HNRNPD: variants seen among roughly 807,000 people sequenced by gnomAD.
HNRNPD encodes heterogeneous nuclear ribonucleoprotein D.
Under a neutral mutation model 47.9 loss-of-function variants are expected in HNRNPD, and 3 were observed. The observed-to-expected ratio is 0.06, with a 90% CI of 0.03 to 0.16. HNRNPD has a LOEUF of 0.16. HNRNPD is among the 10% of genes least tolerant of loss of function. The pLI is 1.00. For missense variants in HNRNPD, 287 were observed against 454.2 expected (o/e 0.63, Z 3.35); for synonymous variants, 171 against 165.1 (o/e 1.04, Z -0.28).
intron 1 of HNRNPD, chr4:82,373,208 C>T: frequency 1.4e-6 from 1 of 704,880 alleles, no homozygotes; most frequent in Non-Finnish European, 2.5e-6. Context: ...CGAGGAGCAG[C>T]ATGGTGACGG....
rs1355427082 is a variant in HNRNPD, at chr4:82,373,030, AAC to A, written c.233+414_233+415del. 22 of 422,772 alleles carry A rather than the reference AAC, an allele frequency of 5.2e-5. No individual in the cohort carries two copies. In the Admixed American group the frequency reaches 6.1e-4, roughly 12 times the overall value. The allele number at this position is 422,772 out of a possible 1,614,324, so 26.2% of individuals were successfully genotyped here. A position where few individuals can be genotyped will look rare whatever the true frequency, so the allele number is the denominator to read the frequency against. The stretch of plus-strand genomic sequence containing the variant: ...GCACCAAATAAACCTTAGTAATACA[AAC>A]AGAGAAGCTGTTTGTGTCTGTGTTT... On this transcript the variant is annotated intron_variant, in intron 1 of 8. Transcript: ENST00000313899.
intron 4 of HNRNPD, chr4:82,358,445 C>T (rs1723821449): frequency 2.2e-6 from 1 of 449,224 alleles, no homozygotes; most frequent in Non-Finnish European, 3.9e-6. Flanking sequence ...TCTACCCCAG[C>T]AATACTCTGC....
At chr4:82,372,681 G>A (rs958786297) in intron 1 of HNRNPD, among the ~76,000 whole-genome samples, 1 of 152,184 alleles carries the variant, frequency 6.6e-6, no homozygotes, top group Non-Finnish European at 1.5e-5. Context: ...GCCGGAGATA[G>A]GAACAGCTCC....
chr4:82,373,147 G>T (rs1720159970), intron 1 of HNRNPD: 1 of 611,282 alleles, frequency 1.6e-6, no homozygotes, highest in Non-Finnish European at 3.1e-6. Context: ...AAATCCTGGC[G>T]GCTAAGTCGG....
intron 1 of HNRNPD, among the ~76,000 whole-genome samples, chr4:82,372,025 C>G (rs1720069924): frequency 6.6e-6 from 1 of 152,080 alleles, no homozygotes; most frequent in Non-Finnish European, 1.5e-5. Context: ...AGTGCTTCTC[C>G]CCTCCCAACT....
At chr4:82,371,489 A>C (rs1356253303) in intron 2 of HNRNPD, 39 bp downstream of exon 2, 1 of 1,531,210 alleles carries the variant, frequency 6.5e-7, no homozygotes, top group East Asian at 2.4e-5. Context: ...ATGACTACTG[A>C]AACCTTTATA....
At chr4:82,368,384 A>G (rs1719870546) in intron 2 of HNRNPD, among the ~76,000 whole-genome samples, 1 of 152,194 alleles carries the variant, frequency 6.6e-6, no homozygotes, top group South Asian at 2.1e-4. Flanking sequence ...CTGAGTTTGT[A>G]GAAAGGGTCA....
intron 5 of HNRNPD, 93 bp from the exon 6 acceptor site, chr4:82,356,988 T>A: frequency 1.9e-6 from 2 of 1,057,890 alleles, no homozygotes; most frequent in Non-Finnish European, 2.9e-6. Context: ...CATGTTTAAA[T>A]AGAGTAGGCT....
intron 2 of HNRNPD, among the ~76,000 whole-genome samples, chr4:82,366,486 C>T (rs575778147): frequency 6.6e-6 from 1 of 152,142 alleles, no homozygotes. Flanking sequence ...TCAGGTGATT[C>T]GCTTGCGTCA....
chr4:82,355,186 A>C, intron 8 of HNRNPD, 118 bp downstream of exon 8: 1 of 668,058 alleles, frequency 1.5e-6, no homozygotes, highest in Non-Finnish European at 2.6e-6. Flanking sequence ...CTATGTTATA[A>C]TATGGTAAGC....
In HNRNPD at chr4:82,357,284, C is replaced by G. The variant is rs749829535; in HGVS notation, c.753+29G>C. 3 of 1,587,814 alleles carry G rather than the reference C, an allele frequency of 1.9e-6. No homozygotes were observed. The Admixed American group carries it at 5.5e-5, about 29-fold the overall frequency. ...TAAGCTCTTTACAACAGCTAGTTTTCTCTACAAGTAAATGGATGCTTAACT... is the reference window on the plus strand; with the variant it reads ...TAAGCTCTTTACAACAGCTAGTTTTGTCTACAAGTAAATGGATGCTTAACT... On this transcript the variant is annotated intron_variant, in intron 5 of 8. Transcript: ENST00000313899.
At chr4:82,369,737 AG>A (rs1200259309) in intron 2 of HNRNPD, among the ~76,000 whole-genome samples, 1 of 152,332 alleles carries the variant, frequency 6.6e-6, no homozygotes, top group Admixed American at 6.5e-5. Context: ...TCATTCAAAA[AG>A]AAAGCCTTAA....
intron 2 of HNRNPD, among the ~76,000 whole-genome samples, chr4:82,369,696 AAAAAG>A (rs1719939881): frequency 6.6e-6 from 1 of 151,850 alleles, no homozygotes; most frequent in South Asian, 2.1e-4. Context: ...CCAAAAAAAA[AAAAAG>A]AGAGAGAAAA....
chr4:82,372,447 G>C (rs777395135), intron 1 of HNRNPD, among the ~76,000 whole-genome samples: 15 of 152,142 alleles, frequency 9.9e-5, no homozygotes, highest in Non-Finnish European at 1.8e-4. Context: ...TTTCTCTTAA[G>C]AGGACTACAG....
At chr4:82,371,007 T>TACACACA (rs1560440286) in intron 2 of HNRNPD, among the ~76,000 whole-genome samples, 1 of 89,654 alleles carries the variant, frequency 1.1e-5, no homozygotes, top group African/African-American at 4.0e-5. Flanking sequence ...CACACACACT[T>TACACACA]CTTATTAAAG....
At position 82,373,818 on chromosome 4, in the gene HNRNPD, G is replaced by A. The variant is rs1179285686; in HGVS notation, c.-140C>T. On this transcript the variant is annotated 5_prime_UTR_variant, in exon 1 of 9. Coordinates refer to ENST00000313899, the MANE Select transcript of HNRNPD (RefSeq NM_031370.3). Reference sequence around the variant, plus strand: ...CACAAGACAGGGAAGGCGCGCGCGTGGCTGCAAAGGCTCCTGCGCCTCTCC... The same window carrying A: ...CACAAGACAGGGAAGGCGCGCGCGTAGCTGCAAAGGCTCCTGCGCCTCTCC... The A allele has an allele frequency of 4.0e-6, 6 of 1,486,550 alleles. No individual in the cohort carries two copies. In the East Asian group the frequency reaches 1.1e-4, roughly 26 times the overall value. The allele number at this position is 1,486,550 out of a possible 1,614,324, so 92.1% of individuals were successfully genotyped here. A position where few individuals can be genotyped will look rare whatever the true frequency, so the allele number is the denominator to read the frequency against.
intron 2 of HNRNPD, among the ~76,000 whole-genome samples, chr4:82,367,277 TCCCATTTA>T (rs1477914464): frequency 6.6e-6 from 1 of 152,170 alleles, no homozygotes; most frequent in African/African-American, 2.4e-5. Context: ...TAAGGTAAAC[TCCCATTTA>T]CCTAGAGGTT....
At chr4:82,366,940 T>G (rs1224455246) in intron 2 of HNRNPD, among the ~76,000 whole-genome samples, 2 of 151,380 alleles carry the variant, frequency 1.3e-5, no homozygotes, top group South Asian at 2.1e-4. Context: ...AGCCCTGAGC[T>G]CCTTCCTGGG....
intron 2 of HNRNPD, among the ~76,000 whole-genome samples, chr4:82,368,230 G>A (rs1260839479): frequency 6.6e-6 from 1 of 151,984 alleles, no homozygotes; most frequent in African/African-American, 2.4e-5. Context: ...CATCCTTCAC[G>A]TTGGCATAAA....
Sources: gnomAD v4.1 joint callset for allele counts (sites outside exome capture counted in the v4.1 genomes callset) on GRCh38, gnomAD v4.1.1 for gene constraint, MANE v1.5 for transcripts, NCBI Gene and HGNC (gene_info 2026-07-23, HGNC 2026-07-21) for gene names.